The following ATP8A2 variants were observed in gnomAD, a reference collection of about 807,000 sequenced individuals.
ATP8A2 encodes ATPase phospholipid transporting 8A2.
Under a neutral mutation model 165.6 loss-of-function variants are expected in ATP8A2, and 100 were observed. The ratio of observed to expected loss-of-function variants is 0.60; its 90% CI spans 0.51 to 0.71. The LOEUF (loss-of-function observed/expected upper bound fraction) is 0.71. Among genes scored for constraint, ATP8A2 ranks in the 30% least tolerant of loss-of-function variants. The pLI is 0.00. For missense variants in ATP8A2, 1,227 were observed against 1,479.5 expected (o/e 0.83, Z 2.80); for synonymous variants, 543 against 548.8 (o/e 0.99, Z 0.15).
intron 26 of ATP8A2, 116 bp from the exon 27 acceptor site, chr13:25,774,733 C>T (rs775100647): frequency 1.4e-5 from 8 of 587,746 alleles, no homozygotes; most frequent in South Asian, 4.7e-5. Flanking sequence ...GAGATTCCTG[C>T]GGAATCTGGT....
intron 1 of ATP8A2, among the ~76,000 whole-genome samples, chr13:25,458,126 C>T (rs1178458448): frequency 6.6e-6 from 1 of 152,146 alleles, no homozygotes; most frequent in Non-Finnish European, 1.5e-5. Flanking sequence ...TCCACCTCCC[C>T]AAGAAAGATT....
intron 33 of ATP8A2, chr13:25,927,017 C>T (rs1203949714): frequency 2.4e-6 from 1 of 410,746 alleles, no homozygotes; most frequent in East Asian, 7.3e-5. Flanking sequence ...GCCTCCCGCT[C>T]CTTCTCCTTG....
At chr13:25,926,864 A>T (rs988301743) in intron 33 of ATP8A2, among the ~76,000 whole-genome samples, 1 of 152,186 alleles carries the variant, frequency 6.6e-6, no homozygotes, top group Non-Finnish European at 1.5e-5. Flanking sequence ...TAAAAATTTT[A>T]AATTATTGCA....
rs1483610468 is a variant in ATP8A2, at chr13:25,774,969, G to T, written c.2679+10G>T. ...CCTGTATATTATTGAGGTAAGAAGG[G>T]GTATTTTTTTTCCTTGAAGAGAAAG... On this transcript the variant is annotated intron_variant, in intron 27 of 36. Coordinates refer to ENST00000381655, the MANE Select transcript of ATP8A2 (RefSeq NM_016529.6). 1.3e-6 allele frequency: 2 copies of T among 1,482,810 alleles called. No individual in the cohort carries two copies. Among genetic ancestry groups the T allele is most frequent in the South Asian group, 1.2e-5 (1 of 84,050 alleles). 91.9% of individuals were successfully genotyped at this position (1,482,810 alleles called of 1,614,324 possible).
At chr13:25,688,346 G>A (rs115508301) in intron 24 of ATP8A2, among the ~76,000 whole-genome samples, 2,579 of 151,474 alleles carry the variant, frequency 0.017, 70 homozygotes, top group African/African-American at 0.058. Flanking sequence ...CCACCCTCAC[G>A]CACCCTAGTT....
chr13:25,571,226 T>C (rs2039459282), intron 17 of ATP8A2, among the ~76,000 whole-genome samples: 1 of 152,102 alleles, frequency 6.6e-6, no homozygotes, highest in South Asian at 2.1e-4. Flanking sequence ...TGCATGGGGG[T>C]ACTCTCTACC....
intron 24 of ATP8A2, among the ~76,000 whole-genome samples, chr13:25,675,344 T>C (rs554147829): frequency 5.9e-5 from 9 of 152,338 alleles, no homozygotes; most frequent in Admixed American, 3.3e-4. Flanking sequence ...GCATTCTTCC[T>C]TTCCAGAGGG....
chr13:25,574,696 A>C, intron 18 of ATP8A2, 112 bp from the exon 19 acceptor site: 1 of 745,352 alleles, frequency 1.3e-6, no homozygotes, highest in Non-Finnish European at 2.4e-6. Context: ...AAGGGCTAGA[A>C]GGTGGGAAGA....
At chr13:25,580,025 C>T (rs1416372155) in intron 22 of ATP8A2, 78 bp downstream of exon 22, 1 of 1,508,392 alleles carries the variant, frequency 6.6e-7, no homozygotes, top group Non-Finnish European at 9.1e-7. Context: ...GAACAGGAAT[C>T]CTTTTACTAT....
intron 21 of ATP8A2, 62 bp from the exon 22 acceptor site, chr13:25,579,746 A>T: frequency 6.3e-7 from 1 of 1,586,320 alleles, no homozygotes; most frequent in Non-Finnish European, 8.6e-7. Flanking sequence ...AAGGGAGCAC[A>T]GGCTGTCCCC....
intron 1 of ATP8A2, among the ~76,000 whole-genome samples, chr13:25,436,199 G>A (rs1026022183): frequency 1.3e-5 from 2 of 152,030 alleles, no homozygotes; most frequent in African/African-American, 4.8e-5. Context: ...GAGGTTTGGG[G>A]TATGGATGAT....
At position 25,559,068 on chromosome 13, in the gene ATP8A2, G is replaced by A; in HGVS notation, c.1352+7G>A. On this transcript the variant is annotated splice_region_variant and intron_variant, in intron 14 of 36. Coordinates refer to ENST00000381655, the MANE Select transcript of ATP8A2 (RefSeq NM_016529.6). ...TTGCCGGAGTAACCTATGGGTCAGTGTGTTTATCATTTACTGAAAATTTAC... is the reference window on the plus strand; with the variant it reads ...TTGCCGGAGTAACCTATGGGTCAGTATGTTTATCATTTACTGAAAATTTAC... The A allele has an allele frequency of 1.3e-6, 2 of 1,579,588 alleles. No homozygotes were observed. The highest frequency in any genetic ancestry group is 1.7e-6 in the Non-Finnish European group (2 of 1,156,206).
chr13:25,797,150 C>A (rs1159435736), intron 27 of ATP8A2, among the ~76,000 whole-genome samples: 1 of 152,126 alleles, frequency 6.6e-6, no homozygotes, highest in Non-Finnish European at 1.5e-5. Flanking sequence ...CACCTGTAAT[C>A]CCAGCTGCTC....
chr13:25,571,524 G>T lies in ATP8A2; in HGVS notation c.1580-86G>T, dbSNP rs1406931971. The T allele has an allele frequency of 5.1e-6, 5 of 988,276 alleles. No individual in the cohort carries two copies. In the South Asian group the frequency reaches 5.7e-5, roughly 11 times the overall value. The allele number at this position is 988,276 out of a possible 1,614,324, so 61.2% of individuals were successfully genotyped here. A position where few individuals can be genotyped will look rare whatever the true frequency, so the allele number is the denominator to read the frequency against. On this transcript the variant is annotated intron_variant, in intron 17 of 36. Coordinates refer to ENST00000381655, the MANE Select transcript of ATP8A2 (RefSeq NM_016529.6). ...ACACCAGGCCTCCTTCAGTAGAGCGGATTTTGTTAATTTGAAAAGTGACAC... is the reference window on the plus strand; with the variant it reads ...ACACCAGGCCTCCTTCAGTAGAGCGTATTTTGTTAATTTGAAAAGTGACAC...
chr13:25,613,366 G>GACCA (rs1172286357), intron 24 of ATP8A2, among the ~76,000 whole-genome samples: 1 of 152,152 alleles, frequency 6.6e-6, no homozygotes, highest in Non-Finnish European at 1.5e-5. Context: ...GCGGGGTCAA[G>GACCA]AGATCAAGAC....
chr13:25,625,794 T>C (rs893153090), intron 24 of ATP8A2, among the ~76,000 whole-genome samples: 2 of 152,214 alleles, frequency 1.3e-5, no homozygotes, highest in South Asian at 4.1e-4. Context: ...ATAATTGGTG[T>C]ATAACTCAAT....
intron 24 of ATP8A2, among the ~76,000 whole-genome samples, chr13:25,639,519 A>C (rs1321263882): frequency 6.6e-6 from 1 of 152,218 alleles, no homozygotes; most frequent in African/African-American, 2.4e-5. Flanking sequence ...CCATTGCATA[A>C]TGGCAAAGGG....
chr13:25,998,052 G>C (rs962390295), intron 35 of ATP8A2, among the ~76,000 whole-genome samples: 1 of 152,180 alleles, frequency 6.6e-6, no homozygotes, highest in Non-Finnish European at 1.5e-5. Flanking sequence ...ATGGCAGCCT[G>C]GCTCCTGCCG....
intron 33 of ATP8A2, among the ~76,000 whole-genome samples, chr13:25,957,547 AG>A (rs1482157829): frequency 3.3e-5 from 5 of 152,242 alleles, no homozygotes; most frequent in African/African-American, 4.8e-5. Context: ...GAGAAATGCA[AG>A]TCAAAACCAC....
Sources: allele counts gnomAD v4.1 joint callset (sites outside exome capture counted in the v4.1 genomes callset), GRCh38; gene constraint gnomAD v4.1.1; transcripts MANE v1.5; gene names NCBI Gene and HGNC (gene_info 2026-07-23, HGNC 2026-07-21).